AAK1: variants seen among roughly 807,000 people sequenced by gnomAD.
AAK1 encodes the protein AP2-associated protein kinase 1.
Under a neutral mutation model 116.0 loss-of-function variants are expected in AAK1, and 37 were observed. The ratio of observed to expected loss-of-function variants is 0.32; its 90% CI spans 0.25 to 0.42. AAK1 has a LOEUF of 0.42. AAK1 is among the 10% of genes least tolerant of loss of function. The pLI, the probability that AAK1 is intolerant of heterozygous loss-of-function variation, is 1.00. For missense variants in AAK1, 919 were observed against 1,170.6 expected (o/e 0.79, Z 3.14); for synonymous variants, 458 against 439.9 (o/e 1.04, Z -0.51).
intron 5 of AAK1, among the ~76,000 whole-genome samples, chr2:69,540,897 T>A (rs541161644): frequency 6.6e-6 from 1 of 152,286 alleles, no homozygotes; most frequent in South Asian, 2.1e-4. Context: ...ATGTGGTACA[T>A]CCATACAACA....
chr2:69,544,270 TAAG>T, intron 4 of AAK1, 163 bp downstream of exon 4: 1 of 594,676 alleles, frequency 1.7e-6, no homozygotes, highest in South Asian at 2.2e-5. Flanking sequence ...TGTACCGTTA[TAAG>T]AATAACTAAG....
intron 2 of AAK1, among the ~76,000 whole-genome samples, chr2:69,615,620 A>C (rs1246346178): frequency 1.3e-5 from 2 of 152,152 alleles, no homozygotes; most frequent in African/African-American, 4.8e-5. Context: ...ATTTGCTCTT[A>C]TATGAAAGAA....
intron 5 of AAK1, among the ~76,000 whole-genome samples, chr2:69,536,756 T>A (rs769822659): frequency 3.3e-5 from 5 of 152,192 alleles, no homozygotes; most frequent in Non-Finnish European, 7.3e-5. Flanking sequence ...GACCTCTTCA[T>A]CTCAATATTA....
At chr2:69,623,835 T>C (rs980203749) in intron 2 of AAK1, among the ~76,000 whole-genome samples, 1 of 151,654 alleles carries the variant, frequency 6.6e-6, no homozygotes, top group South Asian at 2.1e-4. Context: ...TTAAAATATC[T>C]GCAAAAAGCC....
intron 4 of AAK1, chr2:69,544,171 T>C (rs1053543751): frequency 8.0e-6 from 3 of 373,404 alleles, no homozygotes; most frequent in African/African-American, 6.1e-5. Context: ...AAAGAACATA[T>C]TCATTCTCAT....
chr2:69,597,738 C>T (rs1257184014), intron 2 of AAK1, among the ~76,000 whole-genome samples: 1 of 151,804 alleles, frequency 6.6e-6, no homozygotes, highest in African/African-American at 2.4e-5. Context: ...TTTAAACAGC[C>T]AGGCATGGTG....
At chr2:69,547,432 C>G (rs12623851) in intron 3 of AAK1, among the ~76,000 whole-genome samples, 1 of 152,016 alleles carries the variant, frequency 6.6e-6, no homozygotes, top group African/African-American at 2.4e-5. Flanking sequence ...AAAGACAACC[C>G]TATGTAAAAA....
Position 69,470,647 on chromosome 2 carries a change from C to T in AAK1, c.*5222G>A, listed in dbSNP as rs1029990392. On this transcript the variant is annotated 3_prime_UTR_variant, in exon 22 of 22. Transcript: ENST00000409085. Reference sequence around the variant, plus strand: ...GGATTAAGTTAGAGGAGGGAAGCTGCAAACCTGCGCTCCATTTTACAACCC... The same window carrying T: ...GGATTAAGTTAGAGGAGGGAAGCTGTAAACCTGCGCTCCATTTTACAACCC... 3 of 985,284 alleles carry T rather than the reference C, an allele frequency of 3.0e-6. No individual in the cohort carries two copies. The African/African-American group carries it at 5.2e-5, about 17-fold the overall frequency. The allele number at this position is 985,284 out of a possible 1,614,324, so 61.0% of individuals were successfully genotyped here. A position where few individuals can be genotyped will look rare whatever the true frequency, so the allele number is the denominator to read the frequency against.
At chr2:69,566,944 A>T (rs866935878) in intron 2 of AAK1, among the ~76,000 whole-genome samples, 1 of 152,210 alleles carries the variant, frequency 6.6e-6, no homozygotes, top group South Asian at 2.1e-4. Flanking sequence ...GTAGAGAGAT[A>T]TGCTGAAAGA....
chr2:69,624,459 G>A (rs951250486), intron 2 of AAK1, among the ~76,000 whole-genome samples: 1 of 152,028 alleles, frequency 6.6e-6, no homozygotes, highest in Non-Finnish European at 1.5e-5. Context: ...GGATGATGTG[G>A]AATATATTCT....
chr2:69,553,446 T>TTG (rs1047213943), intron 3 of AAK1, among the ~76,000 whole-genome samples: 8 of 136,996 alleles, frequency 5.8e-5, no homozygotes, highest in African/African-American at 2.2e-4. Flanking sequence ...TGTTTTTTTT[T>TTG]TTTTTTTTTT....
chr2:69,478,925 G>C (rs377431160), intron 20 of AAK1, 26 bp downstream of exon 20: 2 of 1,537,850 alleles, frequency 1.3e-6, no homozygotes, highest in South Asian at 1.1e-5. Flanking sequence ...GGACACATGT[G>C]GGCCTGAGAA....
At chr2:69,550,450 G>A (rs866521609) in intron 3 of AAK1, among the ~76,000 whole-genome samples, 15 of 152,022 alleles carry the variant, frequency 9.9e-5, no homozygotes, top group South Asian at 6.2e-4. Context: ...GATTACAGGC[G>A]TGCACCACCA....
At chr2:69,578,392 A>G (rs1407063244) in intron 2 of AAK1, among the ~76,000 whole-genome samples, 1 of 152,224 alleles carries the variant, frequency 6.6e-6, no homozygotes. Flanking sequence ...AACCTGGCTC[A>G]GACTAGAGTT....
intron 17 of AAK1, among the ~76,000 whole-genome samples, chr2:69,486,308 G>A (rs1675298742): frequency 6.6e-6 from 1 of 152,238 alleles, no homozygotes; most frequent in Middle Eastern, 3.4e-3. Flanking sequence ...GCACGTGGGA[G>A]GGTAAAGAAG....
intron 5 of AAK1, among the ~76,000 whole-genome samples, chr2:69,541,662 C>T (rs900510504): frequency 2.0e-5 from 3 of 151,910 alleles, no homozygotes; most frequent in African/African-American, 7.3e-5. Context: ...ATACAAAAAC[C>T]ACCCAGTGTT....
At chr2:69,554,124 A>T (rs1476799125) in intron 3 of AAK1, among the ~76,000 whole-genome samples, 1 of 152,050 alleles carries the variant, frequency 6.6e-6, no homozygotes, top group African/African-American at 2.4e-5. Context: ...AAAATGAGGA[A>T]GTTAGCCAAA....
At chr2:69,612,923 T>C (rs1674152636) in intron 2 of AAK1, among the ~76,000 whole-genome samples, 1 of 152,214 alleles carries the variant, frequency 6.6e-6, no homozygotes, top group Admixed American at 6.5e-5. Flanking sequence ...TTCTGGACCT[T>C]TAGACATATC....
intron 6 of AAK1, chr2:69,531,452 T>G: frequency 3.4e-6 from 1 of 292,292 alleles, no homozygotes; most frequent in African/African-American, 2.3e-5. Flanking sequence ...TTAGTAGTAA[T>G]AGCGAGTGCT....
Sources: allele counts gnomAD v4.1 joint callset (sites outside exome capture counted in the v4.1 genomes callset), GRCh38; gene constraint gnomAD v4.1.1; transcripts MANE v1.5; gene names NCBI Gene and HGNC (gene_info 2026-07-23, HGNC 2026-07-21).